The following COL7A1 variants were observed in gnomAD, a reference collection of about 807,000 sequenced individuals.
The protein encoded by COL7A1 is collagen type VII alpha 1 chain, also known as collagen alpha-1(VII) chain.
A neutral mutation model predicts 456.2 loss-of-function variants in COL7A1; 296 were observed. The ratio of observed to expected loss-of-function variants is 0.65; its 90% CI spans 0.59 to 0.71. The LOEUF (loss-of-function observed/expected upper bound fraction) is 0.71, where lower values mean the gene tolerates loss of function less well. Among genes scored for constraint, COL7A1 ranks in the 30% least tolerant of loss-of-function variants. The probability of loss-of-function intolerance (pLI) is 0.00; values close to 1 mark genes in which losing one functional copy is unlikely to be tolerated. For missense variants in COL7A1, 3,441 were observed against 4,017.2 expected, an observed-to-expected ratio of 0.86 and a Z score of 3.88; for synonymous variants, 1,464 against 1,525.9, an observed-to-expected ratio of 0.96 and a Z score of 0.95.
Position 48,581,987 on chromosome 3 carries a change from T to C in COL7A1, c.4636-44A>G, listed in dbSNP as rs757974035. 7 of 1,613,532 alleles carry C rather than the reference T, an allele frequency of 4.3e-6. No individual in the cohort carries two copies. The South Asian group carries it at 6.6e-5, about 15-fold the overall frequency. ...GATACAGCTTGGCCCTGCCTTGGGG[T>C]TGTATGATCAAAGTCTTCATTGGAA... On this transcript the variant is annotated intron_variant, in intron 47 of 118. Coordinates refer to ENST00000681320, the MANE Select transcript of COL7A1 (RefSeq NM_000094.4). The surrounding 1 kb of genome is among the most constrained non-coding windows in gnomAD (Gnocchi z 5.8).
chr3:48,576,800 C>A, intron 67 of COL7A1, 29 bp from the exon 68 acceptor site: 1 of 1,613,858 alleles, frequency 6.2e-7, no homozygotes, highest in Non-Finnish European at 8.5e-7. Context: ...GCATCAGCAC[C>A]CTGAGACCTC....
Position 48,580,241 on chromosome 3 carries a change from G to T in COL7A1, c.5097+59C>A. On this transcript the variant is annotated intron_variant, in intron 56 of 118. Transcript: ENST00000681320. This position sits in a 1 kb window ranked among gnomAD's most constrained non-coding sequence, Gnocchi z 4.5. Reference sequence around the variant, plus strand: ...CAGACCCCTTGTGTGAAGGCACACTGGCAGCAGCGCCAGGGGACCCTCCAT... The same window carrying T: ...CAGACCCCTTGTGTGAAGGCACACTTGCAGCAGCGCCAGGGGACCCTCCAT... 6.3e-7 allele frequency: 1 copy of T among 1,588,446 alleles called. No individual in the cohort carries two copies. Among genetic ancestry groups the T allele is most frequent in the South Asian group, 1.1e-5 (1 of 88,710 alleles).
In COL7A1 at chr3:48,567,982, A is replaced by T; in HGVS notation, c.7876-91T>A. ...GAAACTAACTCTCCAAACAGGCCTC[A>T]GCTACTCCAACCTCTGACCCAGTGC... On this transcript the variant is annotated intron_variant, in intron 106 of 118. Coordinates refer to ENST00000681320, the MANE Select transcript of COL7A1 (RefSeq NM_000094.4). The surrounding 1 kb of genome is among the most constrained non-coding windows in gnomAD (Gnocchi z 4.3). 6.2e-7 allele frequency: 1 copy of T among 1,600,236 alleles called. No homozygotes were observed. The highest frequency in any genetic ancestry group is 8.6e-7 in the Non-Finnish European group (1 of 1,167,878).
Position 48,576,747 on chromosome 3 carries a change from G to A in COL7A1, c.5629C>T (p.Arg1877Cys), listed in dbSNP as rs760586909. 8.1e-6 allele frequency: 13 copies of A among 1,612,558 alleles called. No homozygotes were observed. Among genetic ancestry groups the A allele is most frequent in the Non-Finnish European group, 8.5e-6 (10 of 1,179,574 alleles). The part of the protein sequence containing the change: ...REGRDGPKGE[R>C]GAPGILGPQG... The stretch of plus-strand genomic sequence containing the variant: ...GGTCCAAGGATACCAGGAGCTCCAC[G>A]CTCACCCTTGGGGCCATCACGACCC... The change falls in exon 68 of 119, where the codon CGT becomes TGT. Residue 1877 changes from arginine (R) to cysteine (C), a missense_variant. Physicochemically the swap from Arg to Cys is radical, Grantham distance 180. This residue lies in a region of COL7A1 where 2,084 missense variants were observed against 2,501.3 expected (regional missense o/e 0.83). Transcript: ENST00000681320.
chr3:48,588,378 T>A lies in COL7A1; in HGVS notation c.2614A>T (p.Thr872Ser). 1.2e-6 allele frequency: 2 copies of A among 1,611,600 alleles called. No individual in the cohort carries two copies. The highest frequency in any genetic ancestry group is 1.7e-6 in the Non-Finnish European group (2 of 1,179,848). ...TCCCCGCGCTGCACCACGTGAAGCGTCCCCAGGGCTGGCGGAGCCTCAGGC... is the reference window on the plus strand; with the variant it reads ...TCCCCGCGCTGCACCACGTGAAGCGACCCCAGGGCTGGCGGAGCCTCAGGC... ...TPPEAPPALG[T>S]LHVVQRGEHS... is the part of the protein sequence containing the mutation. Residue 872 changes from threonine (T) to serine (S), a missense_variant, in exon 21 of 119, where the codon ACG becomes TCG. Transcript: ENST00000681320. This position sits in a 1 kb window ranked among gnomAD's most constrained non-coding sequence, Gnocchi z 4.6.
Position 48,595,306 on chromosome 3 carries a change from T to C in COL7A1, c.-40A>G, listed in dbSNP as rs2046007401. On this transcript the variant is annotated 5_prime_UTR_variant, in exon 1 of 119. Transcript: ENST00000681320. ...CGCTCCCGCCGCCGCCGCTGCAGTC[T>C]CTCGGGCAGAGCAGAGAAAAGTCCC... is the stretch of plus-strand genomic sequence containing the variant. 4 of 697,772 alleles carry C rather than the reference T, an allele frequency of 5.7e-6. No homozygotes were observed. Among genetic ancestry groups the C allele is most frequent in the Non-Finnish European group, 1.0e-5 (4 of 393,476 alleles). The allele number at this position is 697,772 out of a possible 1,614,324, so 43.2% of individuals were successfully genotyped here. A position where few individuals can be genotyped will look rare whatever the true frequency, so the allele number is the denominator to read the frequency against.
rs2107624750 is a variant in COL7A1, at chr3:48,564,663, T to C, written c.8818+120A>G. The C allele has an allele frequency of 8.1e-7, 1 of 1,230,252 alleles. No individual in the cohort carries two copies. The highest frequency in any genetic ancestry group is 2.6e-5 in the East Asian group (1 of 39,188). The allele number at this position is 1,230,252 out of a possible 1,614,324, so 76.2% of individuals were successfully genotyped here. A position where few individuals can be genotyped will look rare whatever the true frequency, so the allele number is the denominator to read the frequency against. On this transcript the variant is annotated intron_variant, in intron 118 of 118. Coordinates refer to ENST00000681320, the MANE Select transcript of COL7A1 (RefSeq NM_000094.4). The surrounding 1 kb of genome is among the most constrained non-coding windows in gnomAD (Gnocchi z 6.0). ...TGGGCGTCTGCCCCAGGTCCCCTAC[T>C]GCGAGGGAGCGTCTCCTCCAGGACC...
In COL7A1 at chr3:48,575,576, A is replaced by C. The variant is rs760942789; in HGVS notation, c.5980-37T>G. 1.2e-6 allele frequency: 2 copies of C among 1,612,550 alleles called. No individual in the cohort carries two copies. The highest frequency in any genetic ancestry group is 1.7e-6 in the Non-Finnish European group (2 of 1,179,998). On this transcript the variant is annotated intron_variant, in intron 73 of 118. Coordinates refer to ENST00000681320, the MANE Select transcript of COL7A1 (RefSeq NM_000094.4). The surrounding 1 kb of genome is among the most constrained non-coding windows in gnomAD (Gnocchi z 6.3). ...GAAGAGAGAATGCTGGTGGCTGTAC[A>C]GCTACACCCCACTCCACGGGGCACA...
At position 48,583,520 on chromosome 3, in the gene COL7A1, C is replaced by T. The variant is rs772857154; in HGVS notation, c.4401+36G>A. 10 of 1,613,392 alleles carry T rather than the reference C, an allele frequency of 6.2e-6. No homozygotes were observed. The highest frequency in any genetic ancestry group is 8.5e-6 in the Non-Finnish European group (10 of 1,179,640). On this transcript the variant is annotated intron_variant, in intron 41 of 118. Coordinates refer to ENST00000681320, the MANE Select transcript of COL7A1 (RefSeq NM_000094.4). The surrounding 1 kb of genome is among the most constrained non-coding windows in gnomAD (Gnocchi z 5.1). ...GATTGAGGTAGGGGCTGGAGCTGTG[C>T]CCACCATATTCAGAATCCCTGGCCC...
At position 48,574,090 on chromosome 3, in the gene COL7A1, C is replaced by T. The variant is rs1311468566; in HGVS notation, c.6501+172G>A. On this transcript the variant is annotated intron_variant, in intron 80 of 118. Transcript: ENST00000681320. The surrounding 1 kb of genome is among the most constrained non-coding windows in gnomAD (Gnocchi z 5.0). ...ATCCACATACAACCACACACAGACA[C>T]AGGCACACACAGGCACACACAGACA... is the stretch of plus-strand genomic sequence containing the variant. 6.6e-6 allele frequency among the ~76,000 whole-genome samples: 1 copy of T among 151,766 alleles called. No individual in the cohort carries two copies. Among genetic ancestry groups the T allele is most frequent in the Admixed American group, 6.6e-5 (1 of 15,260 alleles).
In COL7A1 at chr3:48,569,260, T is replaced by C; in HGVS notation, c.7686+115A>G. On this transcript the variant is annotated intron_variant, in intron 103 of 118. Transcript: ENST00000681320. The surrounding 1 kb of genome is among the most constrained non-coding windows in gnomAD (Gnocchi z 4.9). ...ACTCCATAGTCAGCCACAGAACCCC[T>C]TCCCCCTAAACCCCAGAAAGCCTCC... is the stretch of plus-strand genomic sequence containing the variant. 2 of 1,291,408 alleles carry C rather than the reference T, an allele frequency of 1.5e-6. No homozygotes were observed. The highest frequency in any genetic ancestry group is 3.7e-4 in the Middle Eastern group (2 of 5,430). The allele number at this position is 1,291,408 out of a possible 1,614,324, so 80.0% of individuals were successfully genotyped here. A position where few individuals can be genotyped will look rare whatever the true frequency, so the allele number is the denominator to read the frequency against.
In COL7A1 at chr3:48,594,961, G is replaced by A; in HGVS notation, c.85+114C>T. 2.3e-6 allele frequency: 2 copies of A among 864,222 alleles called. No homozygotes were observed. The highest frequency in any genetic ancestry group is 2.2e-5 in the Admixed American group (1 of 46,310). The allele number at this position is 864,222 out of a possible 1,614,324, so 53.5% of individuals were successfully genotyped here. A position where few individuals can be genotyped will look rare whatever the true frequency, so the allele number is the denominator to read the frequency against. ...TCCCAGAATTAGGAGGAATCCGCGG[G>A]GCGTCGTGGAGTTGGCTGGGTTGTG... On this transcript the variant is annotated intron_variant, in intron 2 of 118. Transcript: ENST00000681320. The surrounding 1 kb of genome is among the most constrained non-coding windows in gnomAD (Gnocchi z 5.5).
chr3:48,565,674 G>C lies in COL7A1; in HGVS notation c.8408-6C>G, dbSNP rs749730480. The C allele has an allele frequency of 6.2e-7, 1 of 1,612,696 alleles. No homozygotes were observed. The highest frequency in any genetic ancestry group is 2.2e-5 in the East Asian group (1 of 44,842). ...GATGAACTGGCCCTGGCAGGCTAGA[G>C]GGGGCAGAGAGGGATAGAGAGACAA... On this transcript the variant is annotated splice_region_variant and splice_polypyrimidine_tract_variant and intron_variant, in intron 114 of 118. Transcript: ENST00000681320. The surrounding 1 kb of genome is among the most constrained non-coding windows in gnomAD (Gnocchi z 4.5).
Position 48,570,774 on chromosome 3 carries a change from C to T in COL7A1, c.7273-64G>A. On this transcript the variant is annotated intron_variant, in intron 95 of 118. Transcript: ENST00000681320. This position sits in a 1 kb window ranked among gnomAD's most constrained non-coding sequence, Gnocchi z 5.5. ...TGGGAACCCTCCTACCCTCTGCCCC[C>T]TCAAGACTGGGAACCCCCAAGGCAG... 1.9e-6 allele frequency: 3 copies of T among 1,557,618 alleles called. No individual in the cohort carries two copies. Among genetic ancestry groups the T allele is most frequent in the Non-Finnish European group, 1.7e-6 (2 of 1,150,764 alleles).
chr3:48,584,529 C>T lies in COL7A1; in HGVS notation c.4075G>A (p.Glu1359Lys). The change falls in exon 36 of 119, where the codon GAA becomes AAA. Residue 1359 changes from glutamate (E) to lysine (K), a missense_variant. By Grantham distance (56) the Glu-to-Lys change is moderately conservative. Coordinates refer to ENST00000681320, the MANE Select transcript of COL7A1 (RefSeq NM_000094.4). ...PGAPGQVIGG[E>K]GPGLPGRKGD... The stretch of plus-strand genomic sequence containing the variant: ...TTCCGCCCAGGAAGCCCAGGTCCTT[C>T]ACCTCCGATGACTTGTCCGGGAGCC... 8.1e-6 allele frequency: 13 copies of T among 1,614,134 alleles called. No individual in the cohort carries two copies. Among genetic ancestry groups the T allele is most frequent in the Non-Finnish European group, 1.1e-5 (13 of 1,180,012 alleles).
In COL7A1 at chr3:48,566,621, A is replaced by G. The variant is rs748314716; in HGVS notation, c.8304+39T>C. ...TCTGACCTCAGGGACAACAGAAGTC[A>G]CCCCGATCTCTGACCCAAGCCTTGG... On this transcript the variant is annotated intron_variant, in intron 112 of 118. Coordinates refer to ENST00000681320, the MANE Select transcript of COL7A1 (RefSeq NM_000094.4). This position sits in a 1 kb window ranked among gnomAD's most constrained non-coding sequence, Gnocchi z 5.9. 1.2e-6 allele frequency: 2 copies of G among 1,613,830 alleles called. No individual in the cohort carries two copies. Among genetic ancestry groups the G allele is most frequent in the Non-Finnish European group, 1.7e-6 (2 of 1,179,916 alleles).
Position 48,593,097 on chromosome 3 carries a change from C to T in COL7A1, c.682+5G>A, listed in dbSNP as rs767647070. The T allele has an allele frequency of 6.2e-7, 1 of 1,614,112 alleles. No homozygotes were observed. Among genetic ancestry groups the T allele is most frequent in the Non-Finnish European group, 8.5e-7 (1 of 1,180,020 alleles). Reference sequence around the variant, plus strand: ...TCAGGGTACACCGTGTGGGCAGGAACTCACGAGGTCGGGTCACAGGCACGC... The same window carrying T: ...TCAGGGTACACCGTGTGGGCAGGAATTCACGAGGTCGGGTCACAGGCACGC... On this transcript the variant is annotated splice_donor_5th_base_variant and intron_variant, in intron 6 of 118. Coordinates refer to ENST00000681320, the MANE Select transcript of COL7A1 (RefSeq NM_000094.4). The surrounding 1 kb of genome is among the most constrained non-coding windows in gnomAD (Gnocchi z 4.4).
rs532656065 is a variant in COL7A1, at chr3:48,590,896, G to T, written c.1637-80C>A. 1.4e-6 allele frequency: 2 copies of T among 1,443,152 alleles called. No individual in the cohort carries two copies. Among genetic ancestry groups the T allele is most frequent in the Non-Finnish European group, 9.6e-7 (1 of 1,040,750 alleles). 89.4% of individuals were successfully genotyped at this position (1,443,152 alleles called of 1,614,324 possible). A position where few individuals can be genotyped will look rare whatever the true frequency, so the allele number is the denominator to read the frequency against. On this transcript the variant is annotated intron_variant, in intron 13 of 118. Transcript: ENST00000681320. The surrounding 1 kb of genome is among the most constrained non-coding windows in gnomAD (Gnocchi z 4.6). The stretch of plus-strand genomic sequence containing the variant: ...GACGATGGCAGTGATGGACAGGGAC[G>T]CAGAGTGAGAAGGGCCATGGGGGTG...
chr3:48,571,270 T>A lies in COL7A1; in HGVS notation c.7077A>T (p.Lys2359Asn), dbSNP rs777190072. The change falls in exon 93 of 119, where the codon AAA becomes AAT. Residue 2359 changes from lysine (K) to asparagine (N), a missense_variant. By Grantham distance (94) the Lys-to-Asn change is moderately conservative. This residue lies in a region of COL7A1 where 2,084 missense variants were observed against 2,501.3 expected (regional missense o/e 0.83). Coordinates refer to ENST00000681320, the MANE Select transcript of COL7A1 (RefSeq NM_000094.4). The surrounding 1 kb of genome is among the most constrained non-coding windows in gnomAD (Gnocchi z 4.6). ...EPGDPGEDGQ[K>N]GAPGPKGFKG... ...TGAAACCTTTGGGTCCTGGAGCCCC[T>A]TTCTGACCCTAAGAAAACCCAGCAA... 4 of 1,614,148 alleles carry A rather than the reference T, an allele frequency of 2.5e-6. No individual in the cohort carries two copies. The highest frequency in any genetic ancestry group is 3.4e-6 in the Non-Finnish European group (4 of 1,180,026).
Sources: gnomAD v4.1 joint callset for allele counts (sites outside exome capture counted in the v4.1 genomes callset) on GRCh38, gnomAD v4.1.1 for gene constraint, gnomAD v4.1.1 regional missense constraint, Gnocchi (gnomAD v3.1) non-coding constraint, MANE v1.5 for transcripts, NCBI Gene and HGNC (gene_info 2026-07-23, HGNC 2026-07-21) for gene names.